The following EMSY variants were observed in gnomAD, a reference collection of about 807,000 sequenced individuals.
The protein encoded by EMSY is EMSY transcriptional repressor, BRCA2 interacting, also known as BRCA2-interacting transcriptional repressor EMSY.
In EMSY, 26 loss-of-function variants were observed where a neutral mutation model predicts 134.6. The observed-to-expected ratio is 0.19, with a 90% CI of 0.14 to 0.27. The LOEUF (loss-of-function observed/expected upper bound fraction) is 0.27, where lower values mean the gene tolerates loss of function less well. EMSY is among the 10% of genes least tolerant of loss of function. The pLI is 1.00. For missense variants in EMSY, 1,305 were observed against 1,611.4 expected (o/e 0.81, Z 3.26); for synonymous variants, 579 against 577.8 (o/e 1.00, Z -0.03).
At chr11:76,544,923 C>A in intron 19 of EMSY, 101 bp downstream of exon 20, 2 of 1,298,408 alleles carry the variant, frequency 1.5e-6, no homozygotes, top group Non-Finnish European at 2.1e-6. Flanking sequence ...TTTCTCCTGG[C>A]AAGAGGAAAC....
intron 11 of EMSY, among the ~76,000 whole-genome samples, chr11:76,518,234 A>G (rs1226835082): frequency 2.9e-5 from 4 of 138,560 alleles, no homozygotes; most frequent in Admixed American, 7.9e-5. Flanking sequence ...CAGTGGCATG[A>G]TTGGCTTGTT....
chr11:76,539,459 T>C, intron 16 of EMSY, 140 bp from the exon 18 acceptor site: 1 of 786,376 alleles, frequency 1.3e-6, no homozygotes, highest in Non-Finnish European at 2.1e-6. Flanking sequence ...AGAATCTTTC[T>C]TTAGAGATAT....
chr11:76,545,921 C>G (rs768848121), exon 20 of EMSY: 2 of 1,614,200 alleles, frequency 1.2e-6, no homozygotes, highest in Non-Finnish European at 1.7e-6. Flanking sequence ...TCACCAGTTA[C>G]AAGCATATCT....
At chr11:76,501,019 A>G (rs187613791) in intron 9 of EMSY, among the ~76,000 whole-genome samples, 15 of 152,258 alleles carry the variant, frequency 9.9e-5, no homozygotes. Context: ...TATTTATGAA[A>G]CCTATGCACA....
At chr11:76,483,841 G>A (rs549816837) in intron 8 of EMSY, among the ~76,000 whole-genome samples, 3 of 152,198 alleles carry the variant, frequency 2.0e-5, no homozygotes, top group South Asian at 4.2e-4. Context: ...AAAGATCAAC[G>A]AGACAGAAAA....
rs1420452063 is a variant in EMSY at position 76,496,664 on chromosome 11, C to T, written c.1363+195C>T. ...GTACCTAAGCATTTCATTTTCTTGT[C>T]GTGATTATAATTGGTATTATGATTT... On this transcript the variant is annotated intron_variant, in intron 9 of 20. Coordinates refer to ENST00000334736, the Ensembl canonical transcript of EMSY. 5.8e-6 allele frequency: 4 copies of T among 694,524 alleles called. No individual in the cohort carries two copies. In the Admixed American group the frequency reaches 9.1e-5, roughly 16 times the overall value. The allele number at this position is 694,524 out of a possible 1,614,324, so 43.0% of individuals were successfully genotyped here. A position where few individuals can be genotyped will look rare whatever the true frequency, so the allele number is the denominator to read the frequency against.
At position 76,460,100 on chromosome 11, in the gene EMSY, C is replaced by T. The variant is rs369586337; in HGVS notation, c.571+15C>T. 1.8e-4 allele frequency: 291 copies of T among 1,613,644 alleles called. No individual in the cohort carries two copies. In the Middle Eastern group the frequency reaches 3.9e-3, roughly 22 times the overall value. On this transcript the variant is annotated intron_variant, in intron 6 of 20. Coordinates refer to ENST00000334736, the Ensembl canonical transcript of EMSY. ...TTATGTCAAAAGTAAGTGATATTCT[C>T]AGTGTTATCAGGGCCTTCTTGGCTA...
At chr11:76,546,951 A>G (rs1951675982) in intron 20 of EMSY, 1 of 390,350 alleles carries the variant, frequency 2.6e-6, no homozygotes, top group South Asian at 2.0e-5. Flanking sequence ...AATTAACACA[A>G]TAGAATTATT....
At chr11:76,522,263 TAG>T (rs1290938790) in intron 11 of EMSY, among the ~76,000 whole-genome samples, 2 of 151,158 alleles carry the variant, frequency 1.3e-5, no homozygotes, top group Admixed American at 6.6e-5. Flanking sequence ...ATATGCAAAT[TAG>T]AGTTTTATCC....
intron 7 of EMSY, 127 bp from the exon 9 acceptor site, chr11:76,472,437 A>G: frequency 1.2e-6 from 1 of 868,628 alleles, no homozygotes. Flanking sequence ...TTTTAGTTGT[A>G]TATTCTCTGT....
intron 11 of EMSY, among the ~76,000 whole-genome samples, chr11:76,517,158 G>A (rs1013229391): frequency 1.3e-5 from 2 of 152,052 alleles, no homozygotes; most frequent in Admixed American, 1.3e-4. Flanking sequence ...ACATTTTAAA[G>A]TCAAGGGATT....
chr11:76,451,634 T>C (rs1947673513), intron 2 of EMSY, among the ~76,000 whole-genome samples: 2 of 152,224 alleles, frequency 1.3e-5, no homozygotes, highest in African/African-American at 2.4e-5. Context: ...TAGATTTTTC[T>C]ACCTAAACAT....
At chr11:76,497,981 A>C (rs1448472723) in intron 9 of EMSY, among the ~76,000 whole-genome samples, 1 of 152,144 alleles carries the variant, frequency 6.6e-6, no homozygotes, top group African/African-American at 2.4e-5. Flanking sequence ...ATTTGTCACA[A>C]ATTTCTCTCG....
At position 76,458,370 on chromosome 11, in the gene EMSY, A is replaced by G. The variant is rs901651019; in HGVS notation, c.421+12A>G. On this transcript the variant is annotated intron_variant, in intron 5 of 20. Transcript: ENST00000334736. ...AGGAAGCAAGGAAGGTGAGTAGAAA[A>G]ATATGCCTGTGTTAGAGATTACTTT... 1.3e-6 allele frequency: 2 copies of G among 1,589,486 alleles called. No homozygotes were observed. The highest frequency in any genetic ancestry group is 2.7e-5 in the African/African-American group (2 of 73,694).
At chr11:76,476,586 C>G (rs150016263) in intron 8 of EMSY, among the ~76,000 whole-genome samples, 1 of 152,274 alleles carries the variant, frequency 6.6e-6, no homozygotes, top group African/African-American at 2.4e-5. Flanking sequence ...TGATGTCTAT[C>G]AATATATTGC....
intron 8 of EMSY, among the ~76,000 whole-genome samples, chr11:76,495,031 C>T (rs117092821): frequency 0.017 from 2,558 of 152,238 alleles, 48 homozygotes; most frequent in East Asian, 0.093. Context: ...CCACTGTGCC[C>T]GGCCTTCTTG....
intron 8 of EMSY, 123 bp from the exon 10 acceptor site, chr11:76,496,092 T>C: frequency 9.7e-7 from 1 of 1,035,982 alleles, no homozygotes; most frequent in Non-Finnish European, 1.4e-6. Flanking sequence ...TACTAGGTGC[T>C]CAATAAATTG....
chr11:76,515,894 G>T (rs1468367660), intron 10 of EMSY, among the ~76,000 whole-genome samples: 1 of 152,016 alleles, frequency 6.6e-6, no homozygotes, highest in Non-Finnish European at 1.5e-5. Context: ...CTTTTTCTTG[G>T]GTTAGTAATT....
chr11:76,510,285 C>A (rs1950227999), intron 9 of EMSY, among the ~76,000 whole-genome samples: 1 of 152,170 alleles, frequency 6.6e-6, no homozygotes, highest in African/African-American at 2.4e-5. Context: ...CCTAGAAGAT[C>A]AAGGCAGTGA....
Sources: gnomAD v4.1 joint callset for allele counts (sites outside exome capture counted in the v4.1 genomes callset) on GRCh38, gnomAD v4.1.1 for gene constraint, MANE v1.5 for transcripts, NCBI Gene and HGNC (gene_info 2026-07-23, HGNC 2026-07-21) for gene names.